The following IMPG2 variants were observed in gnomAD, a reference collection of about 807,000 sequenced individuals.
IMPG2 encodes the protein interphotoreceptor matrix proteoglycan 2, also known as IPM 200.
Under a neutral mutation model 129.2 loss-of-function variants are expected in IMPG2, and 91 were observed. The observed-to-expected ratio is 0.70, with a 90% CI of 0.59 to 0.84. The LOEUF is 0.84. Among genes scored for constraint, IMPG2 ranks in the 40% least tolerant of loss-of-function variants. The pLI, the probability that IMPG2 is intolerant of heterozygous loss-of-function variation, is 0.00. For synonymous variants in IMPG2, 510 were observed against 517.7 expected, an observed-to-expected ratio of 0.99 and a Z score of 0.20; for missense variants, 1,430 against 1,461.7, an observed-to-expected ratio of 0.98 and a Z score of 0.35.
In IMPG2 at chr3:101,243,905, C is replaced by T. The variant is rs1553681348; in HGVS notation, c.2426G>A (p.Trp809Ter). The change falls in exon 13 of 19, where the codon TGG (tryptophan) becomes TAG (stop). Residue 809 changes from tryptophan (W) to a stop codon, truncating the protein, a stop_gained. Coordinates refer to ENST00000193391, the MANE Select transcript of IMPG2 (RefSeq NM_016247.4). LOFTEE classifies it high-confidence loss of function. ...TTTGGTAGACTGTGTCACAGATAAC[C>T]AGAGCCTGTCAGCACTCTGTGGTGT... is the stretch of plus-strand genomic sequence containing the variant. ...ASTPQSADRL[W>*]LSVTQSTKLP... 2 of 1,614,170 alleles carry T rather than the reference C, an allele frequency of 1.2e-6. No individual in the cohort carries two copies. Among genetic ancestry groups the T allele is most frequent in the Non-Finnish European group, 1.7e-6 (2 of 1,180,024 alleles).
In IMPG2 at chr3:101,231,031, A is replaced by C; in HGVS notation, c.3348T>G (p.Phe1116Leu). The C allele has an allele frequency of 3.1e-6, 5 of 1,614,162 alleles. No individual in the cohort carries two copies. Among genetic ancestry groups the C allele is most frequent in the Non-Finnish European group, 4.2e-6 (5 of 1,179,978 alleles). The change falls in exon 16 of 19, where the codon TTT (phenylalanine) becomes TTG (leucine). Residue 1116 changes from phenylalanine to leucine, a missense_variant. Coordinates refer to ENST00000193391, the MANE Select transcript of IMPG2 (RefSeq NM_016247.4). ...TGATGAAGAAGTAGATGATAGCAGA[A>C]AAGATGACAAGAAGTCCAACCACGG... is the stretch of plus-strand genomic sequence containing the variant. ...IASVVGLLVI[F>L]SAIIYFFIRT...
rs1054491765 is a variant in IMPG2, at chr3:101,224,971, A to T, written c.*1998T>A. On this transcript the variant is annotated 3_prime_UTR_variant, in exon 19 of 19. Coordinates refer to ENST00000193391, the MANE Select transcript of IMPG2 (RefSeq NM_016247.4). ...TTCGTGCTTCTCCTAAGTGTTCTGC[A>T]TGGTGACCTGCCCTAGAGGGATTTG... 3.3e-5 allele frequency: 5 copies of T among 152,234 alleles called. No individual in the cohort carries two copies. The highest frequency in any genetic ancestry group is 1.2e-4 in the African/African-American group (5 of 41,468). 9.4% of individuals were successfully genotyped at this position (152,234 alleles called of 1,614,324 possible).
At chr3:101,262,685 A>G (rs902737214) in intron 9 of IMPG2, among the ~76,000 whole-genome samples, 4 of 151,878 alleles carry the variant, frequency 2.6e-5, no homozygotes, top group African/African-American at 9.7e-5. Flanking sequence ...ACAAAATGAC[A>G]TAAGTTCTCT....
At chr3:101,280,401 G>T (rs1304194577) in intron 4 of IMPG2, among the ~76,000 whole-genome samples, 2 of 152,146 alleles carry the variant, frequency 1.3e-5, no homozygotes, top group African/African-American at 4.8e-5. Flanking sequence ...CTGAGTGCTA[G>T]TCCTAGATGT....
chr3:101,273,667 G>A lies in IMPG2; in HGVS notation c.742C>T (p.His248Tyr). 6.2e-7 allele frequency: 1 copy of A among 1,613,888 alleles called. No homozygotes were observed. Among genetic ancestry groups the A allele is most frequent in the Non-Finnish European group, 8.5e-7 (1 of 1,179,916 alleles). The change falls in exon 7 of 19, where the codon CAC becomes TAC. Residue 248 changes from histidine to tyrosine, a missense_variant. Coordinates refer to ENST00000193391, the MANE Select transcript of IMPG2 (RefSeq NM_016247.4). ...AGEQIAEFSI[H>Y]LLGKQYREEL... ...TCCCTGTACTGCTTCCCCAAAAGGT[G>A]GATACTGAATTCTGCAATCTGTTCA...
intron 2 of IMPG2, among the ~76,000 whole-genome samples, chr3:101,315,793 T>C (rs1291067062): frequency 3.9e-5 from 6 of 152,092 alleles, no homozygotes; most frequent in African/African-American, 1.4e-4. Flanking sequence ...AAGCTGATTC[T>C]AATATTTATA....
At position 101,232,872 on chromosome 3, in the gene IMPG2, G is replaced by A. The variant is rs770293441; in HGVS notation, c.3142C>T (p.Arg1048Trp). The A allele has an allele frequency of 1.4e-4, 224 of 1,613,604 alleles. 1 individual carries two copies. The highest frequency in any genetic ancestry group is 3.1e-4 in the South Asian group (28 of 91,076). ...AGGTCACAGAGACTCTGACAGGGCCGTTCTTCCACACTCAGGTATCCAGGG... is the reference window on the plus strand; with the variant it reads ...AGGTCACAGAGACTCTGACAGGGCCATTCTTCCACACTCAGGTATCCAGGG... ...CFPGYLSVEERPCQSLCDLQP... is the reference protein window; with the variant it reads ...CFPGYLSVEEWPCQSLCDLQP... Residue 1048 changes from arginine (R) to tryptophan (W), a missense_variant, in exon 15 of 19, where the codon CGG (arginine) becomes TGG (tryptophan). Physicochemically the swap from Arg to Trp is moderately radical, Grantham distance 101. Coordinates refer to ENST00000193391, the MANE Select transcript of IMPG2 (RefSeq NM_016247.4).
chr3:101,284,364 C>T (rs1706923999), intron 4 of IMPG2, among the ~76,000 whole-genome samples: 2 of 152,056 alleles, frequency 1.3e-5, no homozygotes, highest in South Asian at 4.1e-4. Flanking sequence ...ATCAAAGTAG[C>T]CAGGTAGAGG....
chr3:101,283,714 T>C (rs1372362754), intron 4 of IMPG2, among the ~76,000 whole-genome samples: 1 of 151,788 alleles, frequency 6.6e-6, no homozygotes, highest in Non-Finnish European at 1.5e-5. Flanking sequence ...TACAAAAGAG[T>C]GCATGAAGTC....
intron 9 of IMPG2, among the ~76,000 whole-genome samples, chr3:101,265,049 T>C (rs778849528): frequency 6.6e-5 from 10 of 151,866 alleles, no homozygotes; most frequent in Non-Finnish European, 1.3e-4. Context: ...TTGAAAGGGA[T>C]ACAAAAAAAT....
rs543245047 is a variant in IMPG2, at chr3:101,252,078, C to T, written c.1239+1618G>A. On this transcript the variant is annotated intron_variant, in intron 11 of 18. Transcript: ENST00000193391. Reference sequence around the variant, plus strand: ...GTCAATGCAAATGAAAGCACTGCAACGTAAATGAACAAGTGAGCCCTATTG... The same window carrying T: ...GTCAATGCAAATGAAAGCACTGCAATGTAAATGAACAAGTGAGCCCTATTG... Among the ~76,000 whole-genome samples, 12 of 152,212 alleles carry T rather than the reference C, an allele frequency of 7.9e-5. No individual in the cohort carries two copies. In the East Asian group the frequency reaches 2.1e-3, roughly 27 times the overall value.
At chr3:101,273,218 A>G (rs1706806345) in intron 7 of IMPG2, among the ~76,000 whole-genome samples, 1 of 152,262 alleles carries the variant, frequency 6.6e-6, no homozygotes, top group African/African-American at 2.4e-5. Flanking sequence ...AAATTAAAAG[A>G]CATTAAATGT....
chr3:101,232,654 C>T, intron 15 of IMPG2, 127 bp downstream of exon 15: 3 of 757,242 alleles, frequency 4.0e-6, no homozygotes, highest in Non-Finnish European at 6.7e-6. Flanking sequence ...TGGCTCCCAT[C>T]TATTGCCTAG....
At position 101,268,057 on chromosome 3, in the gene IMPG2, T is replaced by C. The variant is rs536450778; in HGVS notation, c.888-526A>G. On this transcript the variant is annotated intron_variant, in intron 8 of 18. Transcript: ENST00000193391. ...TGCTAAGCATTTTATAAAAATTGAT[T>C]TAATCTTCATTAAGATTTATTAGTA... 9.5e-4 allele frequency among the ~76,000 whole-genome samples: 145 copies of C among 152,316 alleles called. 1 individual carries two copies. Among genetic ancestry groups the C allele is most frequent in the Non-Finnish European group, 1.6e-3 (112 of 68,024 alleles).
chr3:101,249,298 T>C (rs1706519196), intron 11 of IMPG2, among the ~76,000 whole-genome samples: 1 of 152,198 alleles, frequency 6.6e-6, no homozygotes, highest in African/African-American at 2.4e-5. Context: ...AAATGTGCCA[T>C]CATTTTATAA....
intron 14 of IMPG2, among the ~76,000 whole-genome samples, chr3:101,237,307 A>G (rs1250267464): frequency 6.6e-6 from 1 of 152,258 alleles, no homozygotes; most frequent in South Asian, 2.1e-4. Flanking sequence ...AGACTTAAAC[A>G]TTCCTGCCTG....
rs200993049 is a variant in IMPG2 at position 101,312,506 on chromosome 3, T to TA, written c.334+7077dup. On this transcript the variant is annotated intron_variant, in intron 2 of 18. Coordinates refer to ENST00000193391, the MANE Select transcript of IMPG2 (RefSeq NM_016247.4). ...CCTATAAGAATGGTTATACTTTTTT[T>TA]AAAAAAAAGGAAAACATTGCTGGCA... Among the ~76,000 whole-genome samples the TA allele has an allele frequency of 5.9e-3, 895 of 151,830 alleles. 6 individuals are homozygous for TA. The highest frequency in any genetic ancestry group is 0.021 in the African/African-American group (858 of 41,438).
At chr3:101,290,794 A>T (rs1706998960) in intron 4 of IMPG2, among the ~76,000 whole-genome samples, 1 of 152,070 alleles carries the variant, frequency 6.6e-6, no homozygotes, top group African/African-American at 2.4e-5. Flanking sequence ...GGTTTTTTCA[A>T]TCTGTCCTTC....
At chr3:101,284,355 T>C (rs1349514714) in intron 4 of IMPG2, among the ~76,000 whole-genome samples, 1 of 152,146 alleles carries the variant, frequency 6.6e-6, no homozygotes, top group Non-Finnish European at 1.5e-5. Flanking sequence ...TTATCCAAAA[T>C]CAAAGTAGCC....
Sources: gnomAD v4.1 joint callset for allele counts (sites outside exome capture counted in the v4.1 genomes callset) on GRCh38, gnomAD v4.1.1 for gene constraint, MANE v1.5 for transcripts, NCBI Gene and HGNC (gene_info 2026-07-23, HGNC 2026-07-21) for gene names.